Variants in PRDM16 observed in about 807,000 individuals in gnomAD.
PRDM16 encodes the protein PR/SET domain 16, also known as histone-lysine N-methyltransferase PRDM16.
A neutral mutation model predicts 110.6 loss-of-function variants in PRDM16; 23 were observed. The observed-to-expected ratio is 0.21, with a 90% CI of 0.15 to 0.29. The LOEUF is 0.29. PRDM16 is among the 10% of genes least tolerant of loss of function. The pLI is 1.00. For synonymous variants in PRDM16, 799 were observed against 781.8 expected (o/e 1.02, Z -0.37); for missense variants, 1,615 against 1,794.3 (o/e 0.90, Z 1.81).
rs539290218 is a variant in PRDM16 at position 3,310,931 on chromosome 1, AGT to A, written c.438+66798_438+66799del. ...GTGTGGGCACGTGTGCATGCATGTGAGTGTGCGTGTGTGTCTGTGAGACGTGT... is the reference window on the plus strand; with the variant it reads ...GTGTGGGCACGTGTGCATGCATGTGAGTGCGTGTGTGTCTGTGAGACGTGT... On this transcript the variant is annotated intron_variant, in intron 3 of 16. Coordinates refer to ENST00000270722, the MANE Select transcript of PRDM16 (RefSeq NM_022114.4). Among the ~76,000 whole-genome samples, 656 of 150,648 alleles carry A rather than the reference AGT, an allele frequency of 4.4e-3. 6 individuals carry two copies. Among genetic ancestry groups the A allele is most frequent in the Middle Eastern group, 0.021 (6 of 292 alleles).
chr1:3,194,200 G>T (rs982870064), intron 2 of PRDM16, among the ~76,000 whole-genome samples: 1 of 152,360 alleles, frequency 6.6e-6, no homozygotes, highest in East Asian at 1.9e-4. Flanking sequence ...GTGCACACTG[G>T]GGGGCTATTT....
intron 3 of PRDM16, among the ~76,000 whole-genome samples, chr1:3,311,935 C>T (rs558655790): frequency 5.9e-5 from 9 of 152,264 alleles, no homozygotes; most frequent in African/African-American, 1.9e-4. Context: ...GGTCAGCTCC[C>T]GGGGCCCCCG....
chr1:3,149,557 C>A (rs1643739158), intron 1 of PRDM16, among the ~76,000 whole-genome samples: 1 of 152,220 alleles, frequency 6.6e-6, no homozygotes, highest in Admixed American at 6.5e-5. Flanking sequence ...CTGCAGGGAG[C>A]CGTGGGTGCT....
intron 2 of PRDM16, among the ~76,000 whole-genome samples, chr1:3,224,102 T>G (rs1639232685): frequency 6.6e-6 from 1 of 152,236 alleles, no homozygotes; most frequent in South Asian, 2.1e-4. Flanking sequence ...AGATAATCAA[T>G]TTCCCTGAAA....
At chr1:3,375,246 TC>T (rs1401710044) in intron 3 of PRDM16, among the ~76,000 whole-genome samples, 1 of 152,002 alleles carries the variant, frequency 6.6e-6, no homozygotes, top group Non-Finnish European at 1.5e-5. Flanking sequence ...CTGCTGGTAC[TC>T]CCCCCAGGAC....
intron 3 of PRDM16, among the ~76,000 whole-genome samples, chr1:3,319,125 C>A (rs1366395977): frequency 6.6e-6 from 1 of 152,086 alleles, no homozygotes; most frequent in Admixed American, 6.5e-5. Flanking sequence ...TTTCAGAGGT[C>A]GTCTGGCATG....
chr1:3,102,482 A>G (rs1446833357), intron 1 of PRDM16, among the ~76,000 whole-genome samples: 1 of 152,154 alleles, frequency 6.6e-6, no homozygotes, highest in Non-Finnish European at 1.5e-5. Flanking sequence ...CCGCATCCCC[A>G]TCCCTGAGCT....
At chr1:3,418,623 C>A in intron 11 of PRDM16, 44 bp from the exon 12 acceptor site, 1 of 1,343,132 alleles carries the variant, frequency 7.4e-7, no homozygotes, top group Non-Finnish European at 1.1e-6. Context: ...CCATGTAAGC[C>A]CACCCTAATC....
At chr1:3,249,165 G>A (rs918014571) in intron 3 of PRDM16, among the ~76,000 whole-genome samples, 1 of 140,310 alleles carries the variant, frequency 7.1e-6, no homozygotes, top group Non-Finnish European at 1.5e-5. Flanking sequence ...GGCTCACTGT[G>A]TTCTGTTTGT....
At chr1:3,274,947 G>A (rs971730753) in intron 3 of PRDM16, among the ~76,000 whole-genome samples, 1 of 152,210 alleles carries the variant, frequency 6.6e-6, no homozygotes, top group African/African-American at 2.4e-5. Context: ...AGGATGCACA[G>A]ATATGCTGGG....
chr1:3,317,203 G>A (rs1331643224), intron 3 of PRDM16, among the ~76,000 whole-genome samples: 2 of 152,162 alleles, frequency 1.3e-5, no homozygotes, highest in South Asian at 2.1e-4. Context: ...CTTTCTTGCC[G>A]CTTGGTACGA....
At chr1:3,169,825 C>T (rs879662800) in intron 1 of PRDM16, among the ~76,000 whole-genome samples, 11 of 152,280 alleles carry the variant, frequency 7.2e-5, no homozygotes, top group East Asian at 1.9e-4. Flanking sequence ...CCCTGGCTGC[C>T]GTGTCCATGG....
intron 3 of PRDM16, among the ~76,000 whole-genome samples, chr1:3,280,261 G>C (rs537855441): frequency 2.0e-5 from 3 of 152,304 alleles, no homozygotes; most frequent in African/African-American, 7.2e-5. Context: ...CATGTGACGT[G>C]TGCACATGAA....
intron 3 of PRDM16, among the ~76,000 whole-genome samples, chr1:3,275,618 A>G (rs1412164402): frequency 1.3e-5 from 2 of 152,170 alleles, no homozygotes. Context: ...TGCTCGAACC[A>G]AACGCCAGAG....
Position 3,209,234 on chromosome 1 carries a change from C to T in PRDM16, c.387+22760C>T, listed in dbSNP as rs1437024976. 6.6e-6 allele frequency among the ~76,000 whole-genome samples: 1 copy of T among 152,190 alleles called. No individual in the cohort carries two copies. The highest frequency in any genetic ancestry group is 2.4e-5 in the African/African-American group (1 of 41,448). ...GGCCCATGACTGAGTGGAAAAGCAACAAGAAGAGAAGGACAGGAAATAAAT... is the reference window on the plus strand; with the variant it reads ...GGCCCATGACTGAGTGGAAAAGCAATAAGAAGAGAAGGACAGGAAATAAAT... On this transcript the variant is annotated intron_variant, in intron 2 of 16. Coordinates refer to ENST00000270722, the MANE Select transcript of PRDM16 (RefSeq NM_022114.4). The surrounding 1 kb of genome is among the most constrained non-coding windows in gnomAD (Gnocchi z 4.6).
chr1:3,306,587 T>A (rs986992389), intron 3 of PRDM16: 9 of 152,158 alleles, frequency 5.9e-5, no homozygotes, highest in African/African-American at 2.2e-4. Context: ...ATTTGGGCCA[T>A]TTAGGAGAAA....
chr1:3,176,794 A>T (rs542926944), intron 1 of PRDM16, among the ~76,000 whole-genome samples: 1 of 149,340 alleles, frequency 6.7e-6, no homozygotes, highest in African/African-American at 2.5e-5. Context: ...AAATCCATCC[A>T]TCTATCCACC....
chr1:3,271,307 C>T (rs1057448169), intron 3 of PRDM16, among the ~76,000 whole-genome samples: 3 of 152,178 alleles, frequency 2.0e-5, no homozygotes, highest in Admixed American at 2.0e-4. Context: ...GTCTAAGAGC[C>T]CTGGAGGCAG....
intron 12 of PRDM16, among the ~76,000 whole-genome samples, chr1:3,423,223 A>G (rs1450842767): frequency 6.6e-6 from 1 of 152,106 alleles, no homozygotes; most frequent in Non-Finnish European, 1.5e-5. Flanking sequence ...ACCCATTTTC[A>G]GACTTGCTAG....
Sources: gnomAD v4.1 joint callset for allele counts (sites outside exome capture counted in the v4.1 genomes callset) on GRCh38, gnomAD v4.1.1 for gene constraint, Gnocchi (gnomAD v3.1) non-coding constraint, MANE v1.5 for transcripts, NCBI Gene and HGNC (gene_info 2026-07-23, HGNC 2026-07-21) for gene names.